Variants in RGS7 observed in about 807,000 individuals in gnomAD.
The protein encoded by RGS7 is regulator of G protein signaling 7.
Under a neutral mutation model 81.1 loss-of-function variants are expected in RGS7, and 27 were observed. That is an observed-to-expected ratio of 0.33 (90% confidence interval 0.25 to 0.46). The LOEUF (loss-of-function observed/expected upper bound fraction) is 0.46, where lower values mean the gene tolerates loss of function less well. Ranked by LOEUF, RGS7 falls within the 20% of genes least tolerant of loss-of-function variation. The pLI, the probability that RGS7 is intolerant of heterozygous loss-of-function variation, is 1.00. For missense variants in RGS7, 396 were observed against 607.4 expected (o/e 0.65, Z 3.66); for synonymous variants, 208 against 207.7 (o/e 1.00, Z -0.01).
chr1:240,884,453 CAT>C (rs1666998508), intron 6 of RGS7, among the ~76,000 whole-genome samples: 1 of 152,194 alleles, frequency 6.6e-6, no homozygotes, highest in African/African-American at 2.4e-5. Context: ...AAGAATCACA[CAT>C]GTGTTTGTGT....
intron 2 of RGS7, among the ~76,000 whole-genome samples, chr1:241,118,357 C>T (rs151269745): frequency 0.017 from 2,637 of 152,256 alleles, 41 homozygotes; most frequent in African/African-American, 0.043. Context: ...TCTTGCCTTC[C>T]GCAAAGAGCT....
In RGS7 at chr1:240,811,968, T is replaced by C; in HGVS notation, c.1032A>G (p.Arg344=). ...MDEALKDPVG[R]EQFLKFLESE... The stretch of plus-strand genomic sequence containing the variant: ...ACTCTAGAAATTTAAGGAACTGTTC[T>C]CTCCCAACTGGGTCTTTCAATGCCT... The change falls in exon 14 of 19, where the codon AGA becomes AGG. Residue 344 remains arginine, a synonymous_variant. Coordinates refer to ENST00000440928, the MANE Select transcript of RGS7 (RefSeq NM_001364886.1). 1.2e-6 allele frequency: 2 copies of C among 1,613,852 alleles called. No homozygotes were observed. Among genetic ancestry groups the C allele is most frequent in the Non-Finnish European group, 1.7e-6 (2 of 1,179,730 alleles).
intron 18 of RGS7, among the ~76,000 whole-genome samples, chr1:240,794,484 T>A (rs1329732064): frequency 6.6e-6 from 1 of 152,204 alleles, no homozygotes; most frequent in African/African-American, 2.4e-5. Flanking sequence ...TTGGGATTAT[T>A]TATGGGGAAC....
chr1:241,146,475 G>A (rs1420590408), intron 2 of RGS7, among the ~76,000 whole-genome samples: 3 of 152,136 alleles, frequency 2.0e-5, no homozygotes, highest in African/African-American at 7.2e-5. Flanking sequence ...CTGGGCAGAA[G>A]TACTTCCAGA....
chr1:240,972,501 T>A lies in RGS7; in HGVS notation c.226+10578A>T, dbSNP rs371757339. On this transcript the variant is annotated intron_variant, in intron 4 of 18. Transcript: ENST00000440928. ...CATAGGTGGGAATTGAACAATGAGA[T>A]CACATGGACACAGGAAGGGGAATAT... is the stretch of plus-strand genomic sequence containing the variant. Among the ~76,000 whole-genome samples the A allele has an allele frequency of 1.9e-3, 211 of 110,918 alleles. 6 individuals carry two copies. In the East Asian group the frequency reaches 0.054, roughly 28 times the overall value. The allele number at this position is 110,918 out of a possible 152,430, so 72.8% of individuals were successfully genotyped here. A position where few individuals can be genotyped will look rare whatever the true frequency, so the allele number is the denominator to read the frequency against.
chr1:241,051,673 C>T (rs1276951637), intron 3 of RGS7, among the ~76,000 whole-genome samples: 1 of 151,638 alleles, frequency 6.6e-6, no homozygotes, highest in Non-Finnish European at 1.5e-5. Context: ...ACTTGAAGTA[C>T]AAAAACTAAA....
Position 240,813,686 on chromosome 1 carries a change from A to G in RGS7, c.888T>C (p.Phe296=). 1.2e-6 allele frequency: 2 copies of G among 1,613,900 alleles called. No individual in the cohort carries two copies. Among genetic ancestry groups the G allele is most frequent in the Non-Finnish European group, 1.7e-6 (2 of 1,179,760 alleles). Residue 296 remains phenylalanine (F), a synonymous_variant, in exon 13 of 19, where the codon TTT becomes TTC. Transcript: ENST00000440928. ...GGTTAGAAGGGTCAGGTGGCAAAAG[A>G]AACGGGTCGTATTCTAAATACTGTT... ...YTEQYLEYDP[F]LLPPDPSNPW... is the part of the protein sequence containing the mutation.
intron 3 of RGS7, among the ~76,000 whole-genome samples, chr1:241,069,981 A>G (rs2062332566): frequency 6.6e-6 from 1 of 152,216 alleles, no homozygotes; most frequent in South Asian, 2.1e-4. Flanking sequence ...TGGGTTTCAG[A>G]TACTGTAGGT....
At chr1:241,259,667 A>AAAAAAAAAAAAAAAAAATATAT in intron 2 of RGS7, among the ~76,000 whole-genome samples, 7 of 49,140 alleles carry the variant, frequency 1.4e-4, no homozygotes, top group South Asian at 1.1e-3. Flanking sequence ...AAAAAAAAAA[A>AAAAAAAAAAAAAAAAAATATAT]ATATATATAT....
At chr1:240,810,027 T>G (rs1246313507) in intron 14 of RGS7, among the ~76,000 whole-genome samples, 1 of 152,216 alleles carries the variant, frequency 6.6e-6, no homozygotes, top group East Asian at 1.9e-4. Flanking sequence ...TGAAACCTAG[T>G]ATGCACATGC....
chr1:241,135,742 C>G (rs1403914678), intron 2 of RGS7, among the ~76,000 whole-genome samples: 1 of 152,088 alleles, frequency 6.6e-6, no homozygotes, highest in Admixed American at 6.5e-5. Context: ...TGTGGCCGGC[C>G]TCGTGTCTAT....
chr1:241,176,572 G>A (rs928749401), intron 2 of RGS7, among the ~76,000 whole-genome samples: 9 of 152,106 alleles, frequency 5.9e-5, no homozygotes, highest in Non-Finnish European at 1.2e-4. Flanking sequence ...ATGAAAGTCT[G>A]AGATTTGGGC....
rs369676670 is a variant in RGS7 at position 240,939,736 on chromosome 1, AGCTCTTATCAC to A, written c.227-3041_227-3031del. On this transcript the variant is annotated intron_variant, in intron 4 of 18. Transcript: ENST00000440928. Reference sequence around the variant, plus strand: ...CTTGCTTTTGCCAGGGCAAGAAAATAGCTCTTATCACCAGAGACTGGGAGTTGGGGGCTGCA... The same window carrying A: ...CTTGCTTTTGCCAGGGCAAGAAAATACAGAGACTGGGAGTTGGGGGCTGCA... Among the ~76,000 whole-genome samples, 437 of 152,216 alleles carry A rather than the reference AGCTCTTATCAC, an allele frequency of 2.9e-3. 1 individual carries two copies. Among genetic ancestry groups the A allele is most frequent in the African/African-American group, 9.8e-3 (405 of 41,534 alleles).
chr1:241,230,933 G>A (rs967247710), intron 2 of RGS7, among the ~76,000 whole-genome samples: 3 of 152,128 alleles, frequency 2.0e-5, no homozygotes, highest in Non-Finnish European at 4.4e-5. Context: ...GCAAGTTAGT[G>A]CTTTATAAAT....
At position 241,000,836 on chromosome 1, in the gene RGS7, T is replaced by TC. The variant is rs1157228027; in HGVS notation, c.176-17708_176-17707insG. On this transcript the variant is annotated intron_variant, in intron 3 of 18. Coordinates refer to ENST00000440928, the MANE Select transcript of RGS7 (RefSeq NM_001364886.1). ...CTAATTTTTTTTTTTTTTTTTTTTT[T>TC]AGTAGAAACAGTGTTTCACCATGTT... 5.2e-5 allele frequency among the ~76,000 whole-genome samples: 6 copies of TC among 116,498 alleles called. No individual in the cohort carries two copies. In the East Asian group the frequency reaches 1.6e-3, roughly 32 times the overall value. 76.4% of individuals were successfully genotyped at this position (116,498 alleles called of 152,430 possible).
At chr1:241,013,255 G>A (rs1409046126) in intron 3 of RGS7, among the ~76,000 whole-genome samples, 3 of 151,900 alleles carry the variant, frequency 2.0e-5, no homozygotes, top group Non-Finnish European at 2.9e-5. Context: ...TAGAGATGGG[G>A]TTTCACCCTG....
At chr1:240,964,437 G>A (rs938604571) in intron 4 of RGS7, among the ~76,000 whole-genome samples, 2 of 152,008 alleles carry the variant, frequency 1.3e-5, no homozygotes, top group African/African-American at 2.4e-5. Context: ...AGATAGACAC[G>A]GGAATACAAC....
At chr1:241,016,449 C>T (rs1850630) in intron 3 of RGS7, among the ~76,000 whole-genome samples, 3,390 of 151,902 alleles carry the variant, frequency 0.022, 119 homozygotes, top group African/African-American at 0.073. Context: ...ACCCAGGAGG[C>T]GGAGGTTGCA....
At chr1:241,305,073 G>A (rs746562732) in intron 2 of RGS7, among the ~76,000 whole-genome samples, 24 of 152,174 alleles carry the variant, frequency 1.6e-4, no homozygotes, top group Non-Finnish European at 2.8e-4. Context: ...AATGGTACAT[G>A]CTTCATTTCT....
Sources: allele counts gnomAD v4.1 joint callset (sites outside exome capture counted in the v4.1 genomes callset), GRCh38; gene constraint gnomAD v4.1.1; transcripts MANE v1.5; gene names NCBI Gene and HGNC (gene_info 2026-07-23, HGNC 2026-07-21).